Variants in TYW1B observed in about 807,000 individuals in gnomAD.
The protein encoded by TYW1B is tRNA-yW synthesizing protein 1 homolog B.
A neutral mutation model predicts 86.9 loss-of-function variants in TYW1B; 73 were observed. The observed-to-expected ratio is 0.84, with a 90% confidence interval of 0.70 to 1.02. The LOEUF (loss-of-function observed/expected upper bound fraction) is 1.02. TYW1B is among the 50% of genes least tolerant of loss of function. The pLI is 0.00. For missense variants in TYW1B, 637 were observed against 827.4 expected, an observed-to-expected ratio of 0.77 and a Z score of 2.82; for synonymous variants, 248 against 292.8, an observed-to-expected ratio of 0.85 and a Z score of 1.56.
intron 3 of TYW1B, among the ~76,000 whole-genome samples, chr7:72,815,068 CAAAAAAAAA>C (rs576240918): frequency 1.4e-5 from 1 of 73,112 alleles, no homozygotes; most frequent in Non-Finnish European, 2.8e-5. Context: ...GACTCCATCT[CAAAAAAAAA>C]AAAAAAAAAA....
chr7:72,825,220 G>A (rs1224272896), intron 2 of TYW1B, among the ~76,000 whole-genome samples: 1 of 151,910 alleles, frequency 6.6e-6, no homozygotes, highest in Non-Finnish European at 1.5e-5. Context: ...CCATTTCACA[G>A]ATAAGCAACT....
At chr7:72,767,394 C>T (rs1410876110) in intron 7 of TYW1B, among the ~76,000 whole-genome samples, 6 of 151,866 alleles carry the variant, frequency 4.0e-5, no homozygotes, top group African/African-American at 1.2e-4. Context: ...ATCACGAGGT[C>T]AGGAGATCGA....
At chr7:72,827,007 CAGAT>C (rs1212962669) in intron 1 of TYW1B, 22 bp from the exon 2 acceptor site, 1 of 1,588,060 alleles carries the variant, frequency 6.3e-7, no homozygotes, top group South Asian at 1.1e-5. Flanking sequence ...ATGACACACA[CAGAT>C]AATTTCATTT....
chr7:72,642,826 G>A (rs531960866), intron 11 of TYW1B, among the ~76,000 whole-genome samples: 9 of 152,080 alleles, frequency 5.9e-5, no homozygotes, highest in Admixed American at 1.3e-4. Flanking sequence ...ATTTGAACCC[G>A]GGAGACAGAA....
chr7:72,666,412 C>A (rs1457945968), intron 11 of TYW1B, among the ~76,000 whole-genome samples: 1 of 151,790 alleles, frequency 6.6e-6, no homozygotes, highest in Non-Finnish European at 1.5e-5. Flanking sequence ...GGCAACAGAG[C>A]AAAACCCTGT....
Position 72,663,820 on chromosome 7 carries a change from T to A in TYW1B, c.1506+30867A>T, listed in dbSNP as rs190013785. 5.6e-3 allele frequency among the ~76,000 whole-genome samples: 850 copies of A among 150,636 alleles called. 11 individuals carry two copies. Among genetic ancestry groups the A allele is most frequent in the African/African-American group, 0.02 (808 of 40,968 alleles). Reference sequence around the variant, plus strand: ...AGTAAACCTTGTTAAGTGACCTTAGTTCCAACTTGGAGTCTCGGACTCATG... The same window carrying A: ...AGTAAACCTTGTTAAGTGACCTTAGATCCAACTTGGAGTCTCGGACTCATG... On this transcript the variant is annotated intron_variant, in intron 11 of 13. Coordinates refer to ENST00000620995, the MANE Select transcript of TYW1B (RefSeq NM_001145440.3).
chr7:72,598,661 CAAGT>C (rs1489746029), intron 13 of TYW1B, among the ~76,000 whole-genome samples: 1 of 152,148 alleles, frequency 6.6e-6, no homozygotes, highest in African/African-American at 2.4e-5. Flanking sequence ...GGAGTTATTA[CAAGT>C]AAGAGTGGGC....
intron 3 of TYW1B, among the ~76,000 whole-genome samples, chr7:72,811,187 C>T (rs1254846029): frequency 3.4e-5 from 5 of 148,928 alleles, no homozygotes; most frequent in South Asian, 2.1e-4. Context: ...AAGAGAATGG[C>T]GTGAACCCAG....
At chr7:72,592,341 A>G (rs1811417375) in intron 13 of TYW1B, among the ~76,000 whole-genome samples, 1 of 152,140 alleles carries the variant, frequency 6.6e-6, no homozygotes, top group South Asian at 2.1e-4. Flanking sequence ...TAGAGTATTA[A>G]AACTTTAGAA....
intron 10 of TYW1B, among the ~76,000 whole-genome samples, chr7:72,702,466 C>A (rs1242305243): frequency 3.3e-5 from 5 of 152,148 alleles, no homozygotes; most frequent in Non-Finnish European, 7.3e-5. Flanking sequence ...CAGCTCACTG[C>A]AACCTCTGCC....
At chr7:72,800,989 GT>G (rs1255256067) in intron 6 of TYW1B, among the ~76,000 whole-genome samples, 1 of 152,152 alleles carries the variant, frequency 6.6e-6, no homozygotes, top group Non-Finnish European at 1.5e-5. Flanking sequence ...ATTCAGGAAT[GT>G]TTTAAAGTTT....
intron 9 of TYW1B, among the ~76,000 whole-genome samples, chr7:72,719,532 G>T (rs1333394798): frequency 2.7e-5 from 4 of 149,486 alleles, no homozygotes; most frequent in Non-Finnish European, 4.4e-5. Context: ...TCGGGAGGCT[G>T]AGCCAGGAGA....
intron 11 of TYW1B, among the ~76,000 whole-genome samples, chr7:72,659,857 C>A (rs782422100): frequency 1.8e-4 from 28 of 152,158 alleles, no homozygotes; most frequent in Non-Finnish European, 3.5e-4. Context: ...GGAGGATGAA[C>A]GAGGAAGCCG....
rs138313923 is a variant in TYW1B at position 72,780,641 on chromosome 7, A to G, written c.847-3108T>C. 4.6e-3 allele frequency among the ~76,000 whole-genome samples: 693 copies of G among 152,252 alleles called. 1 individual carries two copies. The highest frequency in any genetic ancestry group is 5.9e-3 in the Non-Finnish European group (400 of 68,006). On this transcript the variant is annotated intron_variant, in intron 6 of 13. Transcript: ENST00000620995. ...GGAATACTGTCTCTGTCCCTTCACT[A>G]GAGAAAGTATCTATTATAAAATGTG...
At chr7:72,639,413 T>C (rs1191000407) in intron 11 of TYW1B, among the ~76,000 whole-genome samples, 3 of 152,102 alleles carry the variant, frequency 2.0e-5, no homozygotes, top group Non-Finnish European at 2.9e-5. Context: ...GTGATCCTCC[T>C]ACCTTGAACT....
chr7:72,812,114 G>T (rs1356266936), intron 3 of TYW1B, among the ~76,000 whole-genome samples: 1 of 147,384 alleles, frequency 6.8e-6, no homozygotes, highest in East Asian at 1.9e-4. Context: ...TGTTTGGGAT[G>T]GGAAGTGTTT....
intron 13 of TYW1B, among the ~76,000 whole-genome samples, chr7:72,579,342 A>G (rs1554429288): frequency 6.6e-6 from 1 of 152,228 alleles, no homozygotes; most frequent in African/African-American, 2.4e-5. Flanking sequence ...CTAAAATCTG[A>G]TAACTGACTG....
At chr7:72,700,671 T>C (rs1465979661) in intron 10 of TYW1B, among the ~76,000 whole-genome samples, 6 of 152,166 alleles carry the variant, frequency 3.9e-5, no homozygotes, top group Non-Finnish European at 7.3e-5. Context: ...GAATTCCCTT[T>C]ATAAATATGT....
At chr7:72,799,964 TATACAATA>T (rs1179213150) in intron 6 of TYW1B, among the ~76,000 whole-genome samples, 2 of 152,180 alleles carry the variant, frequency 1.3e-5, no homozygotes, top group Non-Finnish European at 2.9e-5. Context: ...TTCTCCAGGT[TATACAATA>T]ATCCATCTGA....
Sources: gnomAD v4.1 joint callset for allele counts (sites outside exome capture counted in the v4.1 genomes callset) on GRCh38, gnomAD v4.1.1 for gene constraint, MANE v1.5 for transcripts, NCBI Gene and HGNC (gene_info 2026-07-23, HGNC 2026-07-21) for gene names.